Variants in ZNF611 observed in about 807,000 individuals in gnomAD.
The protein encoded by ZNF611 is zinc finger protein 611.
A neutral mutation model predicts 8.9 loss-of-function variants in ZNF611; 6 were observed. The ratio of observed to expected loss-of-function variants is 0.68; its 90% CI spans 0.37 to 1.34. The LOEUF (loss-of-function observed/expected upper bound fraction) is 1.34. Among genes scored for constraint, ZNF611 ranks in the 40% most tolerant of loss-of-function variants. The pLI is 0.02. For synonymous variants in ZNF611, 262 were observed against 279.7 expected, an observed-to-expected ratio of 0.94 and a Z score of 0.63; for missense variants, 874 against 841.3, an observed-to-expected ratio of 1.04 and a Z score of -0.48.
At chr19:52,729,432 G>A (rs1353154426) in intron 2 of ZNF611, among the ~76,000 whole-genome samples, 2 of 131,642 alleles carry the variant, frequency 1.5e-5, no homozygotes, top group Admixed American at 1.7e-4. Flanking sequence ...GGGAAAGGTT[G>A]CAGGGAGCCA....
intron 3 of ZNF611, among the ~76,000 whole-genome samples, chr19:52,726,824 C>G (rs1363130921): frequency 2.6e-5 from 4 of 151,382 alleles, no homozygotes; most frequent in East Asian, 1.9e-4. Context: ...TTGTCCCGCA[C>G]GTTTGTGAAA....
intron 5 of ZNF611, 23 bp from the exon 6 acceptor site, chr19:52,706,887 C>T: frequency 6.3e-7 from 1 of 1,595,692 alleles, no homozygotes; most frequent in Non-Finnish European, 8.5e-7. Context: ...AACACCAATA[C>T]ATTTCCAATT....
chr19:52,715,967 G>A, intron 3 of ZNF611, 54 bp from the exon 4 acceptor site: 2 of 1,596,496 alleles, frequency 1.3e-6, no homozygotes, highest in East Asian at 2.2e-5. Context: ...CTCCCTTCCT[G>A]TGACAAAAAC....
chr19:52,704,491 C>G lies in ZNF611; in HGVS notation c.*446G>C. 1.6e-5 allele frequency: 15 copies of G among 911,648 alleles called. No homozygotes were observed. The South Asian group carries it at 1.8e-4, about 11-fold the overall frequency. 56.5% of individuals were successfully genotyped at this position (911,648 alleles called of 1,614,324 possible). Reference sequence around the variant, plus strand: ...ATGTTTTGCATAGGATGAAGCTTGACTGAAGACCTTGGCACAGTCATGACA... The same window carrying G: ...ATGTTTTGCATAGGATGAAGCTTGAGTGAAGACCTTGGCACAGTCATGACA... On this transcript the variant is annotated 3_prime_UTR_variant, in exon 6 of 6. Coordinates refer to ENST00000652185, the MANE Select transcript of ZNF611 (RefSeq NM_001161499.2).
rs761976855 is a variant in ZNF611 at position 52,705,491 on chromosome 19, T to G, written c.1564A>C (p.Lys522Gln). ...ATCTTATGTGTCTCAAGGCTTGATT[T>G]ACGACTGAAAACCTTTTCACATTCA... ...CDECEKVFSR[K>Q]SSLETHKIGH... Residue 522 changes from lysine to glutamine, a missense_variant, in exon 6 of 6, where the codon AAA becomes CAA. By Grantham distance (53) the Lys-to-Gln change is moderately conservative. Coordinates refer to ENST00000652185, the MANE Select transcript of ZNF611 (RefSeq NM_001161499.2). The G allele has an allele frequency of 6.2e-7, 1 of 1,614,200 alleles. No individual in the cohort carries two copies. Among genetic ancestry groups the G allele is most frequent in the Non-Finnish European group, 8.5e-7 (1 of 1,180,016 alleles).
At position 52,705,133 on chromosome 19, in the gene ZNF611, C is replaced by T. The variant is rs374131959; in HGVS notation, c.1922G>A (p.Arg641His). ...AGATTTCTCTCCAGTATGAAGTCTA[C>T]GATGGTATATAAGGGATGAGCAGTG... The part of the protein sequence containing the change: ...FRHCSSLIYH[R>H]RLHTGEKSYK... Residue 641 changes from arginine to histidine, a missense_variant, in exon 6 of 6, where the codon CGT becomes CAT. Physicochemically the swap from Arg to His is conservative, Grantham distance 29. Coordinates refer to ENST00000652185, the MANE Select transcript of ZNF611 (RefSeq NM_001161499.2). 4.2e-5 allele frequency: 67 copies of T among 1,613,304 alleles called. No homozygotes were observed. The East Asian group carries it at 7.6e-4, about 18-fold the overall frequency.
At chr19:52,720,086 G>A (rs968791393) in intron 3 of ZNF611, among the ~76,000 whole-genome samples, 12 of 152,162 alleles carry the variant, frequency 7.9e-5, no homozygotes, top group Middle Eastern at 3.2e-3. Flanking sequence ...CGGGGTTGGG[G>A]GTAGGGTTAC....
rs746038248 is a variant in ZNF611 at position 52,704,987 on chromosome 19, G to A, written c.2068C>T (p.Gln690Ter). Residue 690 changes from glutamine to a stop codon, truncating the protein, a stop_gained, in exon 6 of 6, where the codon CAA becomes TAA. Coordinates refer to ENST00000652185, the MANE Select transcript of ZNF611 (RefSeq NM_001161499.2). LOFTEE classifies it low-confidence loss of function (END_TRUNC). ...CTATGATGACGTGAAAGGTGTGATT[G>A]TTGATTAAAAGCCTTCCCACATTCA... ...CNECGKAFNQ[Q>*]SHLSRHHRIH... 1.2e-6 allele frequency: 2 copies of A among 1,614,120 alleles called. No homozygotes were observed. The highest frequency in any genetic ancestry group is 2.2e-5 in the South Asian group (2 of 91,084).
intron 3 of ZNF611, among the ~76,000 whole-genome samples, chr19:52,727,439 C>T (rs1011153103): frequency 3.3e-5 from 5 of 151,570 alleles, no homozygotes; most frequent in African/African-American, 1.2e-4. Flanking sequence ...GGGAAGAGGA[C>T]TTGAAAAGCC....
At chr19:52,718,042 A>G (rs1010926273) in intron 3 of ZNF611, among the ~76,000 whole-genome samples, 2 of 152,200 alleles carry the variant, frequency 1.3e-5, no homozygotes, top group South Asian at 2.1e-4. Flanking sequence ...ATTTGAAAAT[A>G]TACCATACTT....
rs1464290795 is a variant in ZNF611, at chr19:52,706,170, GGTCTTGCCACA to G, written c.874_884del (p.Cys292LeufsTer12). ...AGGTAAGGGATGACTCCTGACTGAA[GGTCTTGCCACA>G]CTCTTTACACTTGTAAGGTTTCTCA... On this transcript the variant is annotated frameshift_variant, in exon 6 of 6. Transcript: ENST00000652185. LOFTEE classifies it low-confidence loss of function (END_TRUNC). 6.2e-7 allele frequency: 1 copy of G among 1,613,938 alleles called. No individual in the cohort carries two copies. Among genetic ancestry groups the G allele is most frequent in the Non-Finnish European group, 8.5e-7 (1 of 1,179,958 alleles).
intron 3 of ZNF611, among the ~76,000 whole-genome samples, chr19:52,726,338 G>T (rs2062393060): frequency 6.6e-6 from 1 of 152,218 alleles, no homozygotes; most frequent in Non-Finnish European, 1.5e-5. Flanking sequence ...GTCCAGGCCA[G>T]CCTGGGCGAC....
intron 3 of ZNF611, among the ~76,000 whole-genome samples, chr19:52,720,122 G>T (rs1295607168): frequency 1.3e-5 from 2 of 152,206 alleles, no homozygotes; most frequent in East Asian, 3.9e-4. Context: ...CAAGGCAGAA[G>T]AATTTTTCTT....
chr19:52,706,948 G>T, intron 5 of ZNF611, 84 bp from the exon 6 acceptor site: 1 of 1,516,990 alleles, frequency 6.6e-7, no homozygotes, highest in South Asian at 1.4e-5. Flanking sequence ...CACAAAAAAC[G>T]ATACTTATTT....
intron 3 of ZNF611, among the ~76,000 whole-genome samples, chr19:52,718,641 A>C (rs1041314229): frequency 4.0e-5 from 6 of 150,762 alleles, no homozygotes; most frequent in African/African-American, 1.5e-4. Flanking sequence ...TCTACTAAAA[A>C]TACAAAATTA....
chr19:52,729,487 C>A (rs1600335639), intron 2 of ZNF611, among the ~76,000 whole-genome samples: 1 of 50,612 alleles, frequency 2.0e-5, no homozygotes, highest in African/African-American at 1.1e-4. Context: ...AGCGAGACTC[C>A]ATCTCAAAAA....
Position 52,732,666 on chromosome 19 carries a change from C to A in ZNF611, c.-222+2335G>T, listed in dbSNP as rs1600340082. 1.3e-5 allele frequency among the ~76,000 whole-genome samples: 2 copies of A among 151,676 alleles called. 1 individual carries two copies. Among genetic ancestry groups the A allele is most frequent in the Admixed American group, 1.3e-4 (2 of 15,212 alleles). On this transcript the variant is annotated intron_variant, in intron 1 of 5. Transcript: ENST00000652185. ...GGGCTAAGTAGGCCAGACACGGTGGCTCCTCCCTGTAATCCCACCCGTAAT... is the reference window on the plus strand; with the variant it reads ...GGGCTAAGTAGGCCAGACACGGTGGATCCTCCCTGTAATCCCACCCGTAAT...
intron 3 of ZNF611, chr19:52,720,857 G>A (rs2062353917): frequency 6.8e-6 from 1 of 147,786 alleles, no homozygotes; most frequent in African/African-American, 2.6e-5. Flanking sequence ...TTCTCAGATG[G>A]GGTGGCTGGG....
At chr19:52,721,633 T>C (rs148672012) in intron 3 of ZNF611, among the ~76,000 whole-genome samples, 9 of 151,356 alleles carry the variant, frequency 5.9e-5, no homozygotes, top group African/African-American at 1.9e-4. Context: ...ACGGCAGTAC[T>C]GTCCAGCCTC....
Sources: allele counts gnomAD v4.1 joint callset (sites outside exome capture counted in the v4.1 genomes callset), GRCh38; gene constraint gnomAD v4.1.1; transcripts MANE v1.5; gene names NCBI Gene and HGNC (gene_info 2026-07-23, HGNC 2026-07-21).